The following TNNI3K variants were observed in gnomAD, a reference collection of about 807,000 sequenced individuals.
TNNI3K encodes TNNI3 interacting kinase, also known as serine/threonine-protein kinase TNNI3K.
In TNNI3K, 140 loss-of-function variants were observed where a neutral mutation model predicts 114.5. That is an observed-to-expected ratio of 1.22 (90% CI 1.07 to 1.41). The LOEUF is 1.41. TNNI3K is among the 40% of genes most tolerant of loss of function. The pLI, the probability that TNNI3K is intolerant of heterozygous loss-of-function variation, is 0.00. For synonymous variants in TNNI3K, 347 were observed against 347.5 expected, an observed-to-expected ratio of 1.00 and a Z score of 0.02; for missense variants, 1,125 against 1,007.6, an observed-to-expected ratio of 1.12 and a Z score of -1.58.
chr1:74,465,984 C>T (rs1198493981), intron 21 of TNNI3K, among the ~76,000 whole-genome samples: 1 of 152,122 alleles, frequency 6.6e-6, no homozygotes, highest in Non-Finnish European at 1.5e-5. Flanking sequence ...GATTTTTGCT[C>T]TTAGCGATAA....
intron 4 of TNNI3K, among the ~76,000 whole-genome samples, chr1:74,270,031 A>T (rs1188065774): frequency 2.0e-5 from 3 of 151,866 alleles, no homozygotes; most frequent in Admixed American, 6.6e-5. Flanking sequence ...ACTGGATTTG[A>T]TAGTTTACCT....
At chr1:74,467,622 A>T (rs959373142) in intron 21 of TNNI3K, among the ~76,000 whole-genome samples, 3 of 152,026 alleles carry the variant, frequency 2.0e-5, no homozygotes, top group Non-Finnish European at 4.4e-5. Flanking sequence ...ATTTTTTAGG[A>T]AGTTCATCTG....
chr1:74,529,464 A>G (rs1646552099), intron 23 of TNNI3K, among the ~76,000 whole-genome samples: 1 of 152,244 alleles, frequency 6.6e-6, no homozygotes, highest in East Asian at 1.9e-4. Context: ...AGACCATTTC[A>G]GACAGAAAGA....
At chr1:74,499,943 G>A (rs1428315850) in intron 23 of TNNI3K, among the ~76,000 whole-genome samples, 1 of 151,806 alleles carries the variant, frequency 6.6e-6, no homozygotes, top group Non-Finnish European at 1.5e-5. Context: ...ATTTTATTCT[G>A]TCTAGTATTT....
At chr1:74,413,287 T>C (rs1259018430) in intron 17 of TNNI3K, among the ~76,000 whole-genome samples, 13 of 152,198 alleles carry the variant, frequency 8.5e-5, no homozygotes, top group Admixed American at 8.5e-4. Context: ...TCCTGGATAT[T>C]AGTATAGAAC....
intron 9 of TNNI3K, among the ~76,000 whole-genome samples, chr1:74,349,259 G>A (rs888510595): frequency 6.6e-6 from 1 of 151,952 alleles, no homozygotes; most frequent in Non-Finnish European, 1.5e-5. Flanking sequence ...TTTGTCTTTG[G>A]TTCTGTTTAT....
At chr1:74,506,107 A>G (rs1028752108) in intron 23 of TNNI3K, among the ~76,000 whole-genome samples, 7 of 152,226 alleles carry the variant, frequency 4.6e-5, no homozygotes, top group African/African-American at 1.4e-4. Flanking sequence ...TATGATGTAG[A>G]TAATATTGCC....
intron 20 of TNNI3K, 106 bp downstream of exon 20, chr1:74,439,728 CA>C: frequency 6.7e-7 from 1 of 1,494,482 alleles, no homozygotes; most frequent in South Asian, 1.3e-5. Context: ...AGTGAGATGG[CA>C]AAAGAGGAGG....
chr1:74,236,066 A>T (rs767777467), intron 1 of TNNI3K, 36 bp from the exon 2 acceptor site: 1 of 1,573,806 alleles, frequency 6.4e-7, no homozygotes, highest in South Asian at 1.2e-5. Context: ...TGCAAAACAC[A>T]ACTATGAATC....
intron 12 of TNNI3K, 104 bp downstream of exon 12, chr1:74,367,446 G>T: frequency 1.6e-6 from 2 of 1,237,646 alleles, no homozygotes; most frequent in Non-Finnish European, 1.1e-6. Context: ...AGGGAGGAGG[G>T]CATAGCCTAT....
intron 23 of TNNI3K, among the ~76,000 whole-genome samples, chr1:74,503,583 AT>A (rs571571584): frequency 1.2e-3 from 174 of 150,730 alleles, no homozygotes; most frequent in African/African-American, 3.6e-3. Flanking sequence ...GGACAAGACC[AT>A]TTTTTTTTAG....
intron 2 of TNNI3K, among the ~76,000 whole-genome samples, chr1:74,241,019 G>T (rs1331243835): frequency 6.6e-6 from 1 of 151,746 alleles, no homozygotes; most frequent in Non-Finnish European, 1.5e-5. Flanking sequence ...GAGGACATGC[G>T]GTGTTTGGTT....
intron 17 of TNNI3K, among the ~76,000 whole-genome samples, chr1:74,423,126 T>G (rs571430037): frequency 5.7e-4 from 86 of 152,154 alleles, no homozygotes; most frequent in African/African-American, 2.0e-3. Context: ...TCAGCTTATC[T>G]CCTCCTTCAG....
intron 17 of TNNI3K, chr1:74,372,077 C>T (rs1318339468): frequency 8.9e-6 from 1 of 112,384 alleles, no homozygotes; most frequent in Non-Finnish European, 1.7e-5. Context: ...GCAGTGGTTA[C>T]AAGATAGTTT....
intron 17 of TNNI3K, among the ~76,000 whole-genome samples, chr1:74,390,135 T>G (rs1487721653): frequency 6.6e-6 from 1 of 152,172 alleles, no homozygotes; most frequent in African/African-American, 2.4e-5. Context: ...GAGAGCATCT[T>G]CATAGCTCCT....
At chr1:74,506,658 A>T (rs1570716043) in intron 23 of TNNI3K, among the ~76,000 whole-genome samples, 1 of 152,218 alleles carries the variant, frequency 6.6e-6, no homozygotes, top group Admixed American at 6.5e-5. Flanking sequence ...CTCAGGCCCC[A>T]CACCGGACCT....
intron 23 of TNNI3K, among the ~76,000 whole-genome samples, chr1:74,518,844 T>TAAAAGTGTA (rs371941980): frequency 3.6e-5 from 5 of 139,994 alleles, no homozygotes; most frequent in African/African-American, 1.5e-4. Flanking sequence ...TACCTTACTT[T>TAAAAGTGTA]ATTTTTTATT....
chr1:74,474,610 C>G (rs148699724), intron 21 of TNNI3K, among the ~76,000 whole-genome samples: 1 of 152,236 alleles, frequency 6.6e-6, no homozygotes, highest in Non-Finnish European at 1.5e-5. Flanking sequence ...TCAACATTTT[C>G]ACTGCTGAGC....
At chr1:74,464,613 AT>A in intron 21 of TNNI3K, 13 of 1,551,234 alleles carry the variant, frequency 8.4e-6, no homozygotes, top group Non-Finnish European at 1.1e-5. Context: ...GAGAATGCAA[AT>A]TTTCCATTCT....
Sources: gnomAD v4.1 joint callset for allele counts (sites outside exome capture counted in the v4.1 genomes callset) on GRCh38, gnomAD v4.1.1 for gene constraint, MANE v1.5 for transcripts, NCBI Gene and HGNC (gene_info 2026-07-23, HGNC 2026-07-21) for gene names.